Variants in SPAG16 observed in about 807,000 individuals in gnomAD.
The protein encoded by SPAG16 is sperm-associated antigen 16 protein.
A neutral mutation model predicts 80.4 loss-of-function variants in SPAG16; 86 were observed. The observed-to-expected ratio is 1.07, with a 90% CI of 0.90 to 1.28. SPAG16 has a LOEUF of 1.28. Among genes scored for constraint, SPAG16 ranks in the 50% most tolerant of loss-of-function variants. The pLI is 0.00. For missense variants in SPAG16, 870 were observed against 765.3 expected (o/e 1.14, Z -1.61); for synonymous variants, 294 against 265.9 (o/e 1.11, Z -1.03).
At chr2:213,628,718 T>C (rs1162060387) in intron 10 of SPAG16, among the ~76,000 whole-genome samples, 1 of 152,250 alleles carries the variant, frequency 6.6e-6, no homozygotes, top group Non-Finnish European at 1.5e-5. Flanking sequence ...ACATCACTTT[T>C]CTCTAAATGG....
chr2:214,006,203 C>T (rs1446055944), intron 12 of SPAG16, among the ~76,000 whole-genome samples: 1 of 152,050 alleles, frequency 6.6e-6, no homozygotes, highest in African/African-American at 2.4e-5. Flanking sequence ...ATTTTGTTGA[C>T]CTGCATATTC....
At chr2:213,598,891 T>C (rs1361870699) in intron 10 of SPAG16, among the ~76,000 whole-genome samples, 4 of 152,144 alleles carry the variant, frequency 2.6e-5, no homozygotes, top group Non-Finnish European at 5.9e-5. Flanking sequence ...GAAAACAAAC[T>C]CTGTGGACAA....
Position 213,471,078 on chromosome 2 carries a change from C to G in SPAG16, c.943-18885C>G, listed in dbSNP as rs116548302. 2.7e-3 allele frequency among the ~76,000 whole-genome samples: 406 copies of G among 152,362 alleles called. 1 individual carries two copies. Among genetic ancestry groups the G allele is most frequent in the African/African-American group, 9.4e-3 (390 of 41,588 alleles). On this transcript the variant is annotated intron_variant, in intron 9 of 15. Coordinates refer to ENST00000331683, the MANE Select transcript of SPAG16 (RefSeq NM_024532.5). ...CTACTGGGAAGAATTCCCTTTACCA[C>G]TGTCCTTCAGGGATGTCCTAAAAAG...
chr2:213,940,869 A>T (rs1279128303), intron 12 of SPAG16, among the ~76,000 whole-genome samples: 1 of 152,168 alleles, frequency 6.6e-6, no homozygotes, highest in African/African-American at 2.4e-5. Context: ...ACTTATTTAT[A>T]AACAGGCTAC....
intron 15 of SPAG16, among the ~76,000 whole-genome samples, chr2:214,190,390 A>T (rs1978415): frequency 6.6e-6 from 1 of 151,950 alleles, no homozygotes; most frequent in Non-Finnish European, 1.5e-5. Context: ...TCTTCTTCAT[A>T]TATGCCCCCA....
At chr2:214,058,665 A>G (rs868505929) in intron 13 of SPAG16, among the ~76,000 whole-genome samples, 45 of 152,174 alleles carry the variant, frequency 3.0e-4, no homozygotes, top group African/African-American at 1.0e-3. Context: ...AAAGCACAAT[A>G]TCTGTGAAGC....
chr2:213,481,674 G>A (rs1436666158), intron 9 of SPAG16, among the ~76,000 whole-genome samples: 2 of 152,236 alleles, frequency 1.3e-5, no homozygotes, highest in Non-Finnish European at 2.9e-5. Context: ...AGTAACCCAG[G>A]TGTGTCCTCT....
chr2:213,699,186 T>A (rs2065292818), intron 10 of SPAG16, among the ~76,000 whole-genome samples: 1 of 152,186 alleles, frequency 6.6e-6, no homozygotes, highest in Non-Finnish European at 1.5e-5. Flanking sequence ...GTATTATTTT[T>A]ATTTTTCCCC....
At chr2:214,146,208 A>G (rs2055629724) in intron 14 of SPAG16, among the ~76,000 whole-genome samples, 1 of 152,188 alleles carries the variant, frequency 6.6e-6, no homozygotes, top group Non-Finnish European at 1.5e-5. Context: ...TAGGTTGTCA[A>G]CTAATCTCCT....
intron 10 of SPAG16, among the ~76,000 whole-genome samples, chr2:213,843,451 C>T (rs779142694): frequency 2.0e-5 from 3 of 152,138 alleles, no homozygotes; most frequent in Non-Finnish European, 4.4e-5. Flanking sequence ...CCAAAAAATA[C>T]CAAGATCAAA....
intron 13 of SPAG16, among the ~76,000 whole-genome samples, chr2:214,036,422 G>A (rs1275273894): frequency 6.6e-6 from 1 of 152,132 alleles, no homozygotes; most frequent in Non-Finnish European, 1.5e-5. Context: ...GGTTCTATCT[G>A]TAACCATCAC....
intron 15 of SPAG16, among the ~76,000 whole-genome samples, chr2:214,401,961 C>T (rs1697055360): frequency 6.6e-6 from 1 of 151,876 alleles, no homozygotes; most frequent in South Asian, 2.1e-4. Context: ...TAATAATTCT[C>T]ATTAAAAATG....
chr2:213,947,402 T>C (rs1387404077), intron 12 of SPAG16, among the ~76,000 whole-genome samples: 3 of 152,166 alleles, frequency 2.0e-5, no homozygotes, highest in Non-Finnish European at 2.9e-5. Context: ...TGTGGTGGTA[T>C]CTCATAATGG....
At chr2:213,676,840 T>C (rs1156953821) in intron 10 of SPAG16, among the ~76,000 whole-genome samples, 16 of 150,966 alleles carry the variant, frequency 1.1e-4, no homozygotes, top group African/African-American at 3.9e-4. Flanking sequence ...TGGTCTAAAA[T>C]TCTCTTTTTT....
rs1454615162 is a variant in SPAG16, at chr2:213,700,030, ATATC to A, written c.1071-162449_1071-162446del. On this transcript the variant is annotated intron_variant, in intron 10 of 15. Coordinates refer to ENST00000331683, the MANE Select transcript of SPAG16 (RefSeq NM_024532.5). ...AGCAATAGTAGGCTATGATTCCAAC[ATATC>A]TATCTGTCATGATTACAGTTCTCTT... is the stretch of plus-strand genomic sequence containing the variant. Among the ~76,000 whole-genome samples the A allele has an allele frequency of 3.9e-5, 6 of 152,328 alleles. No homozygotes were observed. In the East Asian group the frequency reaches 9.6e-4, roughly 24 times the overall value.
At chr2:214,133,385 G>T (rs2054883708) in intron 14 of SPAG16, among the ~76,000 whole-genome samples, 1 of 152,132 alleles carries the variant, frequency 6.6e-6, no homozygotes, top group African/African-American at 2.4e-5. Context: ...GCCTTCCAAG[G>T]CTGGGTGTGG....
chr2:214,082,363 C>G (rs116630331), intron 13 of SPAG16, among the ~76,000 whole-genome samples: 1 of 152,154 alleles, frequency 6.6e-6, no homozygotes, highest in Non-Finnish European at 1.5e-5. Context: ...GACACAAGAT[C>G]TTTTACCTTC....
At chr2:213,844,856 G>A (rs1303901083) in intron 10 of SPAG16, among the ~76,000 whole-genome samples, 2 of 152,120 alleles carry the variant, frequency 1.3e-5, no homozygotes, top group Non-Finnish European at 2.9e-5. Flanking sequence ...CCAAATTAAA[G>A]GTTGTCGTAG....
chr2:214,243,093 G>A (rs1263947260), intron 15 of SPAG16, among the ~76,000 whole-genome samples: 1 of 152,144 alleles, frequency 6.6e-6, no homozygotes, highest in African/African-American at 2.4e-5. Context: ...TGGTAACTAA[G>A]TGTTCAAAGA....
Sources: allele counts gnomAD v4.1 joint callset (sites outside exome capture counted in the v4.1 genomes callset), GRCh38; gene constraint gnomAD v4.1.1; transcripts MANE v1.5; gene names NCBI Gene and HGNC (gene_info 2026-07-23, HGNC 2026-07-21).